The following MPPED1 variants were observed in gnomAD, a reference collection of about 807,000 sequenced individuals.
MPPED1 encodes the protein metallophosphoesterase domain-containing protein 1.
A neutral mutation model predicts 36.2 loss-of-function variants in MPPED1; 16 were observed. The ratio of observed to expected loss-of-function variants is 0.44; its 90% CI spans 0.30 to 0.67. The LOEUF is 0.67. Among genes scored for constraint, MPPED1 ranks in the 30% least tolerant of loss-of-function variants. MPPED1 has a pLI of 0.10. For missense variants in MPPED1, 307 were observed against 453.4 expected, an observed-to-expected ratio of 0.68 and a Z score of 2.93; for synonymous variants, 199 against 191.3, an observed-to-expected ratio of 1.04 and a Z score of -0.33.
At chr22:43,500,148 GGGGTGGTGGTGGTGATGGTGA>G (rs1569091603) in intron 5 of MPPED1, among the ~76,000 whole-genome samples, 109 of 105,896 alleles carry the variant, frequency 1.0e-3, no homozygotes, top group Non-Finnish European at 1.5e-3. Context: ...GGAGGTGGTG[GGGGTGGTGGTGGTGATGGTGA>G]TGGAGGTGGT....
intron 2 of MPPED1, among the ~76,000 whole-genome samples, chr22:43,433,065 T>TCG (rs1017843445): frequency 1.3e-5 from 2 of 151,758 alleles, no homozygotes; most frequent in Non-Finnish European, 2.9e-5. Context: ...CAGCTGTGTG[T>TCG]GGGGGGGCGG....
At chr22:43,450,264 G>T (rs1012075725) in intron 3 of MPPED1, among the ~76,000 whole-genome samples, 1 of 152,240 alleles carries the variant, frequency 6.6e-6, no homozygotes, top group African/African-American at 2.4e-5. Context: ...CAGGGGAAAG[G>T]AATGGGCAGG....
rs1192913131 is a variant in MPPED1 at position 43,463,806 on chromosome 22, CT to C, written c.407-10926del. ...CACTGTGGTTGATTTTTCATTTTTT[CT>C]TTTCTTTCTTTCTTTCTTTCTTTCT... On this transcript the variant is annotated intron_variant, in intron 3 of 6. Coordinates refer to ENST00000443721, the MANE Select transcript of MPPED1 (RefSeq NM_001044370.2). Among the ~76,000 whole-genome samples the C allele has an allele frequency of 2.5e-5, 3 of 121,660 alleles. 1 individual carries two copies. The highest frequency in any genetic ancestry group is 5.3e-5 in the Non-Finnish European group (3 of 56,774). The allele number at this position is 121,660 out of a possible 152,430, so 79.8% of individuals were successfully genotyped here.
chr22:43,419,440 G>A (rs1285755367), intron 1 of MPPED1, among the ~76,000 whole-genome samples: 1 of 152,130 alleles, frequency 6.6e-6, no homozygotes, highest in Non-Finnish European at 1.5e-5. Flanking sequence ...AGGGCCTTCT[G>A]GACAGAGGGA....
chr22:43,433,657 C>CCGGCTG (rs1453890044), intron 2 of MPPED1, among the ~76,000 whole-genome samples: 1 of 151,626 alleles, frequency 6.6e-6, no homozygotes, highest in African/African-American at 2.4e-5. Flanking sequence ...CTCGGCGCCT[C>CCGGCTG]CGGCTGCGGC....
At position 43,415,274 on chromosome 22, in the gene MPPED1, A is replaced by G. The variant is rs150720590; in HGVS notation, c.-79+3116A>G. On this transcript the variant is annotated intron_variant, in intron 1 of 6. Coordinates refer to ENST00000443721, the MANE Select transcript of MPPED1 (RefSeq NM_001044370.2). Reference sequence around the variant, plus strand: ...GAAAGAAACAAAAAACCCAACAGGAAAAAAATAAGAGACCCCTTTTTGGGG... The same window carrying G: ...GAAAGAAACAAAAAACCCAACAGGAGAAAAATAAGAGACCCCTTTTTGGGG... Among the ~76,000 whole-genome samples, 28 of 151,868 alleles carry G rather than the reference A, an allele frequency of 1.8e-4. No individual in the cohort carries two copies. The East Asian group carries it at 5.0e-3, about 27-fold the overall frequency.
Position 43,444,279 on chromosome 22 carries a change from GGTGT to G in MPPED1, c.406+9103_406+9106del, listed in dbSNP as rs35340638. Among the ~76,000 whole-genome samples, 227 of 142,014 alleles carry G rather than the reference GGTGT, an allele frequency of 1.6e-3. 1 individual carries two copies. The highest frequency in any genetic ancestry group is 3.6e-3 in the African/African-American group (134 of 37,366). The allele number at this position is 142,014 out of a possible 152,430, so 93.2% of individuals were successfully genotyped here. ...TTGGAAATGAAATGAGACCCACTGG[GGTGT>G]GTGTGTGTGTGTGTGTGTGTGTGTG... On this transcript the variant is annotated intron_variant, in intron 3 of 6. Coordinates refer to ENST00000443721, the MANE Select transcript of MPPED1 (RefSeq NM_001044370.2).
chr22:43,439,849 C>T (rs9623838), intron 3 of MPPED1, among the ~76,000 whole-genome samples: 70,358 of 152,110 alleles, frequency 0.46, 17,136 homozygotes, highest in Non-Finnish European at 0.54. Flanking sequence ...AATAAGCTCC[C>T]CTCCCTGGTC....
chr22:43,498,207 C>T lies in MPPED1; in HGVS notation c.633-28C>T, dbSNP rs374036280. On this transcript the variant is annotated intron_variant, in intron 4 of 6. Coordinates refer to ENST00000443721, the MANE Select transcript of MPPED1 (RefSeq NM_001044370.2). ...ACCACCCTGTACTTTCACCCGCCCT[C>T]CCTCAAACACCTGCACTTCTTCTAC... 9.9e-6 allele frequency: 15 copies of T among 1,516,874 alleles called. No individual in the cohort carries two copies. In the African/African-American group the frequency reaches 1.5e-4, roughly 15 times the overall value. The allele number at this position is 1,516,874 out of a possible 1,614,324, so 94.0% of individuals were successfully genotyped here. A position where few individuals can be genotyped will look rare whatever the true frequency, so the allele number is the denominator to read the frequency against.
intron 4 of MPPED1, among the ~76,000 whole-genome samples, chr22:43,490,100 C>T (rs1932037224): frequency 6.6e-6 from 1 of 152,192 alleles, no homozygotes; most frequent in Non-Finnish European, 1.5e-5. Context: ...CCGATGCCCA[C>T]TTCAGTGCCC....
In MPPED1 at chr22:43,507,494, T is replaced by C. The variant is rs1418393070; in HGVS notation, c.*1878T>C. On this transcript the variant is annotated 3_prime_UTR_variant, in exon 7 of 7. Coordinates refer to ENST00000443721, the MANE Select transcript of MPPED1 (RefSeq NM_001044370.2). ...AATCCCGTTTGGCTGAAGGGGTTCC[T>C]GTAGCCAGGGATGTTTATGAGGTCT... 1 of 152,152 alleles carries C rather than the reference T, an allele frequency of 6.6e-6. No individual in the cohort carries two copies. Among genetic ancestry groups the C allele is most frequent in the East Asian group, 1.9e-4 (1 of 5,192 alleles). The allele number at this position is 152,152 out of a possible 1,614,324, so 9.4% of individuals were successfully genotyped here. A position where few individuals can be genotyped will look rare whatever the true frequency, so the allele number is the denominator to read the frequency against.
chr22:43,471,849 T>C (rs372874391), intron 3 of MPPED1, among the ~76,000 whole-genome samples: 10 of 152,234 alleles, frequency 6.6e-5, no homozygotes, highest in African/African-American at 2.4e-4. Context: ...GCAAGCAGAG[T>C]TCCCAGCGTC....
chr22:43,441,970 C>CG (rs1437558475), intron 3 of MPPED1, among the ~76,000 whole-genome samples: 5 of 152,248 alleles, frequency 3.3e-5, no homozygotes, highest in African/African-American at 1.2e-4. Flanking sequence ...AAGTGGAGGT[C>CG]GGGGGCTTCA....
intron 3 of MPPED1, among the ~76,000 whole-genome samples, chr22:43,453,735 C>T (rs1376497119): frequency 6.6e-6 from 1 of 152,212 alleles, no homozygotes; most frequent in African/African-American, 2.4e-5. Flanking sequence ...TCTGCCTGCT[C>T]ACACTTCTAG....
rs145766642 is a variant in MPPED1, at chr22:43,463,228, T to C, written c.407-11508T>C. Among the ~76,000 whole-genome samples, 27 of 152,266 alleles carry C rather than the reference T, an allele frequency of 1.8e-4. 1 individual carries two copies. In the East Asian group the frequency reaches 5.2e-3, roughly 29 times the overall value. ...TCTGTTAATGGAAAAATTTTGTCCT[T>C]TAATTCAGGAACTTTTCTCATCTCC... On this transcript the variant is annotated intron_variant, in intron 3 of 6. Transcript: ENST00000443721.
In MPPED1 at chr22:43,474,445, C is replaced by T. The variant is rs1299163994; in HGVS notation, c.407-291C>T. 1.3e-5 allele frequency among the ~76,000 whole-genome samples: 2 copies of T among 152,244 alleles called. No individual in the cohort carries two copies. Among genetic ancestry groups the T allele is most frequent in the African/African-American group, 2.4e-5 (1 of 41,470 alleles). ...ATGAAGACACCTGTTGGGGGCCTGG[C>T]AGCAGGTACCCCTGTCAGCGATTCC... On this transcript the variant is annotated intron_variant, in intron 3 of 6. Coordinates refer to ENST00000443721, the MANE Select transcript of MPPED1 (RefSeq NM_001044370.2). The surrounding 1 kb of genome is among the most constrained non-coding windows in gnomAD (Gnocchi z 5.2).
chr22:43,496,161 T>A (rs1473819533), intron 4 of MPPED1, among the ~76,000 whole-genome samples: 9 of 70,562 alleles, frequency 1.3e-4, no homozygotes, highest in Non-Finnish European at 1.6e-4. Context: ...GTGGTGGTGG[T>A]GGAGGTGGTG....
chr22:43,435,498 T>G (rs1043163185), intron 3 of MPPED1, among the ~76,000 whole-genome samples: 1 of 152,100 alleles, frequency 6.6e-6, no homozygotes, highest in Admixed American at 6.5e-5. Context: ...GGGACTTTGC[T>G]CATGTCTTTG....
chr22:43,485,031 A>G (rs1181073342), intron 4 of MPPED1, among the ~76,000 whole-genome samples: 2 of 152,176 alleles, frequency 1.3e-5, no homozygotes, highest in African/African-American at 4.8e-5. Flanking sequence ...ACACTCACAC[A>G]CACACATATT....
Sources: gnomAD v4.1 joint callset for allele counts (sites outside exome capture counted in the v4.1 genomes callset) on GRCh38, gnomAD v4.1.1 for gene constraint, Gnocchi (gnomAD v3.1) non-coding constraint, MANE v1.5 for transcripts, NCBI Gene and HGNC (gene_info 2026-07-23, HGNC 2026-07-21) for gene names.